RAB33A: variants seen among roughly 807,000 people sequenced by gnomAD.
The protein encoded by RAB33A is ras-related protein Rab-33A.
A neutral mutation model predicts 12.0 loss-of-function variants in RAB33A; 6 were observed. The ratio of observed to expected loss-of-function variants is 0.50; its 90% CI spans 0.27 to 0.99. The LOEUF is 0.99. Ranked by LOEUF, RAB33A falls within the 50% of genes least tolerant of loss-of-function variation. The pLI is 0.11. For synonymous variants in RAB33A, 70 were observed against 82.4 expected, an observed-to-expected ratio of 0.85 and a Z score of 0.81; for missense variants, 109 against 192.0, an observed-to-expected ratio of 0.57 and a Z score of 2.55.
chrX:130,154,859 T>C, the RAB33A span, among the ~76,000 whole-genome samples: 1 of 112,499 alleles, frequency 8.9e-6, no homozygotes, highest in African/African-American at 3.2e-5. Context: ...TAAAGCACAA[T>C]ATAATTTGGT....
chrX:130,129,637 G>A, the RAB33A span: 9 of 1,202,236 alleles, frequency 7.5e-6, no homozygotes, highest in Non-Finnish European at 1.0e-5. Flanking sequence ...ATCTGAGGGA[G>A]AGAGAGTAAC....
chrX:130,133,630 AT>A, the RAB33A span, among the ~76,000 whole-genome samples: 49,586 of 103,315 alleles, frequency 0.48, 9,750 homozygotes, highest in African/African-American at 0.67. Flanking sequence ...ACCCATTTAA[AT>A]TTTTTTTTTT....
chrX:130,164,574 G>A, the RAB33A span, among the ~76,000 whole-genome samples: 1 of 112,054 alleles, frequency 8.9e-6, no homozygotes, highest in Admixed American at 9.4e-5. Context: ...TCCTACAGGT[G>A]GATCATTCAT....
the RAB33A span, among the ~76,000 whole-genome samples, chrX:130,154,499 G>C: frequency 8.9e-6 from 1 of 112,509 alleles, no homozygotes; most frequent in African/African-American, 3.2e-5. Flanking sequence ...TTACGAATGA[G>C]AGGCATTACA....
intron 1 of RAB33A, among the ~76,000 whole-genome samples, chrX:130,176,837 C>T (rs1195815393): frequency 8.9e-6 from 1 of 111,835 alleles, no homozygotes; most frequent in Non-Finnish European, 1.9e-5. Flanking sequence ...TCCCATCATC[C>T]ACTGGGGCAT....
At chrX:130,175,338 G>A (rs1282472408) in intron 1 of RAB33A, among the ~76,000 whole-genome samples, 1 of 110,693 alleles carries the variant, frequency 9.0e-6, no homozygotes, top group Non-Finnish European at 1.9e-5. Flanking sequence ...CCCCTAGATT[G>A]GGGGAGTTTG....
At chrX:130,138,062 C>CAA in the RAB33A span, 14 of 39,929 alleles carry the variant, frequency 3.5e-4, no homozygotes, top group Non-Finnish European at 6.2e-4. Context: ...AACTCCATCT[C>CAA]AAAAAAAAAA....
chrX:130,145,914 A>G, the RAB33A span, among the ~76,000 whole-genome samples: 1 of 111,590 alleles, frequency 9.0e-6, no homozygotes, highest in Non-Finnish European at 1.9e-5. Flanking sequence ...CCCCCAGCAA[A>G]GCGTTATCCT....
At chrX:130,147,824 G>A in the RAB33A span, 1 of 1,211,934 alleles carries the variant, frequency 8.3e-7, no homozygotes, top group Non-Finnish European at 1.1e-6. Context: ...CAATTAGCAG[G>A]AAAGGAACAT....
At chrX:130,130,115 G>A in the RAB33A span, 1 of 1,212,029 alleles carries the variant, frequency 8.3e-7, no homozygotes, top group Non-Finnish European at 1.1e-6. Context: ...GGGAGGAATA[G>A]TAATTTCTGA....
At chrX:130,170,926 C>T (rs1176318993), upstream of RAB33A, among the ~76,000 whole-genome samples, 3 of 112,863 alleles carry the variant, frequency 2.7e-5, no homozygotes, top group African/African-American at 9.7e-5. Flanking sequence ...CTGGAACTGC[C>T]ACCACTAGCT....
At chrX:130,146,431 C>T in the RAB33A span, among the ~76,000 whole-genome samples, 1 of 100,235 alleles carries the variant, frequency 1.0e-5, no homozygotes, top group Non-Finnish European at 2.0e-5. Context: ...GTGACAGAGC[C>T]AGACCCTGTC....
At chrX:130,147,741 A>G in the RAB33A span, 1 of 1,211,916 alleles carries the variant, frequency 8.3e-7, no homozygotes, top group Non-Finnish European at 1.1e-6. Flanking sequence ...GCAAAAAAAC[A>G]TGCACCTTAC....
the RAB33A span, among the ~76,000 whole-genome samples, chrX:130,139,582 C>T: frequency 9.0e-6 from 1 of 110,991 alleles, no homozygotes; most frequent in African/African-American, 3.3e-5. Flanking sequence ...GCAATACAAA[C>T]ACTCCATTTT....
At chrX:130,153,246 G>A in the RAB33A span, among the ~76,000 whole-genome samples, 2 of 105,180 alleles carry the variant, frequency 1.9e-5, no homozygotes, top group African/African-American at 7.0e-5. Context: ...GCTACTCCTC[G>A]GGAGGCTGAG....
the RAB33A span, among the ~76,000 whole-genome samples, chrX:130,127,211 G>A: frequency 4.5e-5 from 5 of 111,486 alleles, no homozygotes; most frequent in Non-Finnish European, 7.5e-5. Flanking sequence ...GTGGCTTTAG[G>A]AAGTGGTCTA....
chrX:130,131,905 C>T, the RAB33A span: 1 of 1,029,074 alleles, frequency 9.7e-7, no homozygotes, highest in Non-Finnish European at 1.4e-6. Flanking sequence ...CGGAGTTTCA[C>T]TCGTTGCCCA....
chrX:130,171,903 G>A, upstream of RAB33A: 1 of 581,761 alleles, frequency 1.7e-6, no homozygotes, highest in Non-Finnish European at 2.6e-6. Context: ...TCACGCGCGC[G>A]CGCGCACACG....
chrX:130,181,044 C>G (rs939367075), intron 1 of RAB33A, among the ~76,000 whole-genome samples: 1 of 90,765 alleles, frequency 1.1e-5, no homozygotes, highest in Non-Finnish European at 2.0e-5. Context: ...AGCAAGCAAG[C>G]GAGCAGTGTT....
Sources: allele counts gnomAD v4.1 joint callset (sites outside exome capture counted in the v4.1 genomes callset), GRCh38; gene constraint gnomAD v4.1.1; transcripts MANE v1.5; gene names NCBI Gene and HGNC (gene_info 2026-07-23, HGNC 2026-07-21).